Variants in LZTFL1 observed in about 807,000 individuals in gnomAD.
LZTFL1 encodes leucine zipper transcription factor like 1.
A neutral mutation model predicts 45.9 loss-of-function variants in LZTFL1; 25 were observed. The ratio of observed to expected loss-of-function variants is 0.54; its 90% CI spans 0.40 to 0.76. The LOEUF (loss-of-function observed/expected upper bound fraction) is 0.76. LZTFL1 is among the 30% of genes least tolerant of loss of function. The probability of loss-of-function intolerance (pLI) is 0.00; values close to 1 mark genes in which losing one functional copy is unlikely to be tolerated. For synonymous variants in LZTFL1, 93 were observed against 117.4 expected (o/e 0.79, Z 1.35); for missense variants, 277 against 331.1 (o/e 0.84, Z 1.27).
In LZTFL1 at chr3:45,830,917, T is replaced by G. The variant is rs750169178; in HGVS notation, c.596A>C (p.Gln199Pro). The change falls in exon 7 of 10, where the codon CAA becomes CCA. Residue 199 changes from glutamine to proline, a missense_variant. Gln to Pro is a moderately conservative substitution (Grantham distance 76). Coordinates refer to ENST00000296135, the MANE Select transcript of LZTFL1 (RefSeq NM_020347.4). ...LQDLQLDQGN[Q>P]KDFIKAQDLS... ...GGTAGCTAAAACTTGTTTCACCTTT[T>G]GATTTCCTTGATCAAGCTGTAAATC... The G allele has an allele frequency of 6.2e-7, 1 of 1,613,742 alleles. No individual in the cohort carries two copies. The highest frequency in any genetic ancestry group is 1.1e-5 in the South Asian group (1 of 91,024).
intron 2 of LZTFL1, among the ~76,000 whole-genome samples, chr3:45,874,121 A>G (rs1377676393): frequency 1.3e-5 from 2 of 152,046 alleles, no homozygotes; most frequent in East Asian, 3.9e-4. Context: ...CTTGCTGTTA[A>G]TCTCTCCCAT....
rs192532456 is a variant in LZTFL1, at chr3:45,862,347, C to T, written c.-214-3331G>A. On this transcript the variant is annotated intron_variant, in intron 2 of 4. Coordinates refer to the LZTFL1 transcript ENST00000472635. Reference sequence around the variant, plus strand: ...GAGGGGAACAAACCTTGGCCATGCACGAGGTGAGGATCTGGGATGTGGTGG... The same window carrying T: ...GAGGGGAACAAACCTTGGCCATGCATGAGGTGAGGATCTGGGATGTGGTGG... 1.6e-4 allele frequency among the ~76,000 whole-genome samples: 25 copies of T among 152,268 alleles called. No homozygotes were observed. The East Asian group carries it at 3.3e-3, about 20-fold the overall frequency.
rs1311147302 is a variant in LZTFL1 at position 45,831,142 on chromosome 3, T to C, written c.457-4A>G. 3 of 1,538,926 alleles carry C rather than the reference T, an allele frequency of 1.9e-6. No individual in the cohort carries two copies. The highest frequency in any genetic ancestry group is 1.4e-5 in the African/African-American group (1 of 72,192). ...CTTCTTGAAGTCTTAAAATTTCCTT[T>C]GTGAGTAAATTCAAATTTTATTATA... On this transcript the variant is annotated splice_polypyrimidine_tract_variant and splice_region_variant and intron_variant, in intron 5 of 9. Coordinates refer to ENST00000296135, the MANE Select transcript of LZTFL1 (RefSeq NM_020347.4).
At chr3:45,852,886 T>C (rs1340143638) in intron 4 of LZTFL1, among the ~76,000 whole-genome samples, 1 of 152,228 alleles carries the variant, frequency 6.6e-6, no homozygotes, top group Non-Finnish European at 1.5e-5. Context: ...ATTTCTGTTC[T>C]CTTTAAATCA....
In LZTFL1 at chr3:45,876,041, A is replaced by G. The variant is rs552404471; in HGVS notation, c.-214-17025T>C. Among the ~76,000 whole-genome samples the G allele has an allele frequency of 1.9e-3, 290 of 152,300 alleles. 3 individuals are homozygous for G. The highest frequency in any genetic ancestry group is 0.01 in the Middle Eastern group (3 of 294). On this transcript the variant is annotated intron_variant, in intron 2 of 4. Coordinates refer to the LZTFL1 transcript ENST00000472635. ...AACTTTCTTTTCTAAGAAGGATGCA[A>G]ACTCTCTTATCAACTTATTACGGGA...
Position 45,825,110 on chromosome 3 carries a change from G to A in LZTFL1, c.*1204C>T. On this transcript the variant is annotated 3_prime_UTR_variant, in exon 10 of 10. Coordinates refer to ENST00000296135, the MANE Select transcript of LZTFL1 (RefSeq NM_020347.4). Reference sequence around the variant, plus strand: ...GAATAAAAATAACAACAAGCCCTATGCTCCAATCAGTAAACTCGTTTCTTG... The same window carrying A: ...GAATAAAAATAACAACAAGCCCTATACTCCAATCAGTAAACTCGTTTCTTG... 1 of 383,428 alleles carries A rather than the reference G, an allele frequency of 2.6e-6. No homozygotes were observed. The highest frequency in any genetic ancestry group is 4.6e-6 in the Non-Finnish European group (1 of 216,834). 23.8% of individuals were successfully genotyped at this position (383,428 alleles called of 1,614,324 possible).
At chr3:45,911,969 TA>T (rs1423084474) in intron 2 of LZTFL1, among the ~76,000 whole-genome samples, 1 of 152,256 alleles carries the variant, frequency 6.6e-6, no homozygotes, top group Non-Finnish European at 1.5e-5. Flanking sequence ...AAGAGAAAAG[TA>T]AAAGCATCTT....
intron 2 of LZTFL1, among the ~76,000 whole-genome samples, chr3:45,899,531 C>A (rs982313524): frequency 3.3e-5 from 5 of 152,094 alleles, no homozygotes; most frequent in Non-Finnish European, 7.4e-5. Context: ...CCAAATGTAT[C>A]CAGATGAATT....
At chr3:45,896,234 C>T (rs1334748019) in intron 2 of LZTFL1, among the ~76,000 whole-genome samples, 1 of 152,242 alleles carries the variant, frequency 6.6e-6, no homozygotes, top group Non-Finnish European at 1.5e-5. Flanking sequence ...GCCAGGGCTG[C>T]TTCTGAGCTT....
chr3:45,830,811 AG>A (rs1700793056), intron 7 of LZTFL1, 101 bp downstream of exon 7: 2 of 950,994 alleles, frequency 2.1e-6, no homozygotes, highest in South Asian at 3.0e-5. Context: ...CTCAGGGAGT[AG>A]CAGGGGTGGG....
At position 45,842,028 on chromosome 3, in the gene LZTFL1, G is replaced by A. The variant is rs77121006; in HGVS notation, c.-37C>T. ...GCGGCGGCAGCCTAAAGGAACGGGA[G>A]AGGCCAGGCGGTGCCCCGCCAAGCC... On this transcript the variant is annotated 5_prime_UTR_variant, in exon 1 of 10. Coordinates refer to ENST00000296135, the MANE Select transcript of LZTFL1 (RefSeq NM_020347.4). 4.0e-4 allele frequency: 644 copies of A among 1,605,330 alleles called. 3 individuals are homozygous for A. In the African/African-American group the frequency reaches 8.2e-3, roughly 21 times the overall value.
At position 45,869,929 on chromosome 3, in the gene LZTFL1, C is replaced by G. The variant is rs1326027042; in HGVS notation, c.-214-10913G>C. On this transcript the variant is annotated intron_variant, in intron 2 of 4. Coordinates refer to the LZTFL1 transcript ENST00000472635. ...GGTCTGCCCATGGAGGGAGAGAGACCAGTTATGTCAACAAAAGTACTCGAG... is the reference window on the plus strand; with the variant it reads ...GGTCTGCCCATGGAGGGAGAGAGACGAGTTATGTCAACAAAAGTACTCGAG... Among the ~76,000 whole-genome samples the G allele has an allele frequency of 2.6e-5, 4 of 152,200 alleles. No individual in the cohort carries two copies. In the South Asian group the frequency reaches 8.3e-4, roughly 31 times the overall value.
At chr3:45,898,173 G>T (rs1428176124) in intron 2 of LZTFL1, among the ~76,000 whole-genome samples, 1 of 152,080 alleles carries the variant, frequency 6.6e-6, no homozygotes, top group Non-Finnish European at 1.5e-5. Flanking sequence ...CCACTGTGGG[G>T]TCTCCATGCT....
intron 2 of LZTFL1, among the ~76,000 whole-genome samples, chr3:45,890,471 G>A (rs1702143559): frequency 6.8e-6 from 1 of 147,132 alleles, no homozygotes. Context: ...AAACTCAACT[G>A]GGCATTTTTC....
rs780998997 is a variant in LZTFL1 at position 45,841,972 on chromosome 3, G to A, written c.3+17C>T. The A allele has an allele frequency of 1.2e-6, 2 of 1,611,306 alleles. No individual in the cohort carries two copies. The highest frequency in any genetic ancestry group is 1.3e-5 in the African/African-American group (1 of 75,022). On this transcript the variant is annotated intron_variant, in intron 1 of 9. Coordinates refer to ENST00000296135, the MANE Select transcript of LZTFL1 (RefSeq NM_020347.4). ...CTCTCCTGTGCGCGGTGCGGCGCCT[G>A]AGGGTCGGTTACTCACCATGGCGGC...
At chr3:45,867,147 CAAAA>C (rs58937842) in intron 2 of LZTFL1, among the ~76,000 whole-genome samples, 6 of 63,254 alleles carry the variant, frequency 9.5e-5, no homozygotes, top group Non-Finnish European at 1.5e-4. Flanking sequence ...GACTCAATCT[CAAAA>C]AAAAAAAAAA....
intron 5 of LZTFL1, among the ~76,000 whole-genome samples, chr3:45,831,840 C>A (rs1700829872): frequency 6.6e-6 from 1 of 152,182 alleles, no homozygotes; most frequent in Non-Finnish European, 1.5e-5. Context: ...TATCCACACA[C>A]AACTGAGTCT....
chr3:45,912,956 T>C (rs1483475076), intron 2 of LZTFL1, among the ~76,000 whole-genome samples: 1 of 152,230 alleles, frequency 6.6e-6, no homozygotes, highest in African/African-American at 2.4e-5. Context: ...GGTCTGAAGG[T>C]CAAGGGCTGC....
rs545556541 is a variant in LZTFL1 at position 45,913,555 on chromosome 3, C to T, written c.-272-378G>A. Among the ~76,000 whole-genome samples, 15 of 152,222 alleles carry T rather than the reference C, an allele frequency of 9.9e-5. No individual in the cohort carries two copies. In the East Asian group the frequency reaches 2.7e-3, roughly 27 times the overall value. The stretch of plus-strand genomic sequence containing the variant: ...CGAGTGGAGATAAACATAAATGATA[C>T]TTTGAGAGTCTGCAGAAATTGTCAT... On this transcript the variant is annotated intron_variant, in intron 1 of 4. Transcript: ENST00000472635.
Sources: gnomAD v4.1 joint callset for allele counts (sites outside exome capture counted in the v4.1 genomes callset) on GRCh38, gnomAD v4.1.1 for gene constraint, MANE v1.5 for transcripts, NCBI Gene and HGNC (gene_info 2026-07-23, HGNC 2026-07-21) for gene names.